The following TPO variants were observed in gnomAD, a reference collection of about 807,000 sequenced individuals.
TPO encodes the protein thyroid microsomal antigen.
Under a neutral mutation model 96.9 loss-of-function variants are expected in TPO, and 78 were observed. That is an observed-to-expected ratio of 0.81 (90% CI 0.67 to 0.97). The LOEUF (loss-of-function observed/expected upper bound fraction) is 0.97. Ranked by LOEUF, TPO falls within the 50% of genes least tolerant of loss-of-function variation. The pLI is 0.00. For missense variants in TPO, 1,252 were observed against 1,274.8 expected (o/e 0.98, Z 0.27); for synonymous variants, 547 against 538.0 (o/e 1.02, Z -0.23).
At chr2:1,387,755 G>A (rs576866466) in intron 1 of TPO, among the ~76,000 whole-genome samples, 1 of 152,330 alleles carries the variant, frequency 6.6e-6, no homozygotes, top group South Asian at 2.1e-4. Flanking sequence ...TGCTGGTGAG[G>A]AGCTGCGTTC....
upstream of TPO, among the ~76,000 whole-genome samples, chr2:1,411,392 C>T (rs946981852): frequency 3.9e-5 from 6 of 152,140 alleles, no homozygotes; most frequent in African/African-American, 1.2e-4. Context: ...CATGCAAACC[C>T]CCTCTTCCCA....
chr2:1,383,165 G>C (rs570836541), intron 1 of TPO, among the ~76,000 whole-genome samples: 14 of 152,102 alleles, frequency 9.2e-5, no homozygotes, highest in South Asian at 4.1e-4. Context: ...TTGCTATTGT[G>C]AGTAGTGCCG....
intron 3 of TPO, among the ~76,000 whole-genome samples, chr2:1,432,129 G>T (rs1189257832): frequency 2.0e-5 from 3 of 152,254 alleles, no homozygotes; most frequent in African/African-American, 4.8e-5. Flanking sequence ...AGCACAGTCC[G>T]CTGTGGTCAC....
At chr2:1,480,393 C>A (rs1246529740) in intron 8 of TPO, among the ~76,000 whole-genome samples, 1 of 152,018 alleles carries the variant, frequency 6.6e-6, no homozygotes, top group Non-Finnish European at 1.5e-5. Context: ...GTGGCCTGGG[C>A]CTGGAAGCCT....
intron 1 of TPO, among the ~76,000 whole-genome samples, chr2:1,396,480 C>T (rs75145814): frequency 0.025 from 3,794 of 152,294 alleles, 160 homozygotes; most frequent in African/African-American, 0.085. Flanking sequence ...GCAAATCTGA[C>T]AGTGCTCGAA....
chr2:1,527,855 C>CGTACTGTGTGCAA (rs1676970395), intron 15 of TPO, among the ~76,000 whole-genome samples: 1 of 141,924 alleles, frequency 7.0e-6, no homozygotes. Flanking sequence ...CTCAAATCCC[C>CGTACTGTGTGCAA]CCCACTGTGT....
chr2:1,378,114 A>G (rs1007789388), intron 1 of TPO, among the ~76,000 whole-genome samples: 1 of 152,088 alleles, frequency 6.6e-6, no homozygotes, highest in Non-Finnish European at 1.5e-5. Flanking sequence ...CACCTTCCTC[A>G]GTGATTGTGA....
Position 1,496,597 on chromosome 2 carries a change from G to A in TPO, c.2218G>A (p.Asp740Asn), listed in dbSNP as rs762116311. The part of the protein sequence containing the change: ...EAWRETFPQD[D>N]KCGFPESVEN... ...GTCAACCTGTCCACATTTCATAGAC[G>A]ACAAGTGTGGCTTCCCAGAGAGCGT... Residue 740 changes from aspartate to asparagine, a missense_variant and splice_region_variant, in exon 13 of 17, where the codon GAC (aspartate) becomes AAC (asparagine). Coordinates refer to ENST00000329066, the MANE Select transcript of TPO (RefSeq NM_001206744.2). 2.7e-5 allele frequency: 44 copies of A among 1,613,890 alleles called. No individual in the cohort carries two copies. The highest frequency in any genetic ancestry group is 6.7e-5 in the Admixed American group (4 of 60,016).
intron 7 of TPO, among the ~76,000 whole-genome samples, chr2:1,463,673 C>T (rs1406086574): frequency 6.6e-6 from 1 of 152,186 alleles, no homozygotes; most frequent in Non-Finnish European, 1.5e-5. Flanking sequence ...TAGGACTGGG[C>T]TTTTCTTCAT....
chr2:1,458,153 G>A lies in TPO; in HGVS notation c.819+1871G>A, dbSNP rs148751070. On this transcript the variant is annotated intron_variant, in intron 7 of 16. Transcript: ENST00000329066. ...GTGTGTATATGGTATATAAGATAGC[G>A]TGTGGACACGTGTGTATATAGGATA... Among the ~76,000 whole-genome samples the A allele has an allele frequency of 1.6e-3, 242 of 151,720 alleles. 2 individuals are homozygous for A. Among genetic ancestry groups the A allele is most frequent in the African/African-American group, 5.2e-3 (215 of 41,238 alleles).
At chr2:1,501,207 A>G (rs537025982) in intron 13 of TPO, among the ~76,000 whole-genome samples, 2 of 150,900 alleles carry the variant, frequency 1.3e-5, no homozygotes, top group Non-Finnish European at 3.0e-5. Context: ...CACTCACTGC[A>G]TGTGGAGACT....
In TPO at chr2:1,508,938, T is replaced by C. The variant is rs555748797; in HGVS notation, c.2518+4859T>C. On this transcript the variant is annotated intron_variant, in intron 14 of 16. Coordinates refer to ENST00000329066, the MANE Select transcript of TPO (RefSeq NM_001206744.2). ...CTTGCCTTCTGCTAGCTTTTGAATG[T>C]GTTTGCTCTTGCTTTTCTAGTTCTT... Among the ~76,000 whole-genome samples, 8 of 152,344 alleles carry C rather than the reference T, an allele frequency of 5.3e-5. No homozygotes were observed. The South Asian group carries it at 8.3e-4, about 16-fold the overall frequency.
At chr2:1,447,680 A>G (rs1040540600) in intron 5 of TPO, among the ~76,000 whole-genome samples, 2 of 152,150 alleles carry the variant, frequency 1.3e-5, no homozygotes, top group African/African-American at 4.8e-5. Context: ...GTGTGTGTGT[A>G]TATATCTATA....
intron 13 of TPO, among the ~76,000 whole-genome samples, chr2:1,502,581 G>T (rs1281148675): frequency 6.6e-6 from 1 of 151,998 alleles, no homozygotes; most frequent in Non-Finnish European, 1.5e-5. Context: ...GTGGAGATGG[G>T]ATTTCACCAT....
chr2:1,414,949 G>C (rs1045942686), intron 2 of TPO, among the ~76,000 whole-genome samples: 1 of 152,236 alleles, frequency 6.6e-6, no homozygotes, highest in African/African-American at 2.4e-5. Context: ...AATAAATAAA[G>C]TTCCAAACCC....
chr2:1,449,809 C>T (rs963703540), intron 5 of TPO, among the ~76,000 whole-genome samples: 1 of 152,034 alleles, frequency 6.6e-6, no homozygotes, highest in Non-Finnish European at 1.5e-5. Flanking sequence ...GAGCTCATGC[C>T]GATTATAGAA....
intron 3 of TPO, among the ~76,000 whole-genome samples, chr2:1,428,804 G>T (rs978558578): frequency 1.3e-5 from 2 of 152,132 alleles, no homozygotes; most frequent in African/African-American, 4.8e-5. Context: ...TTTGGGGAGG[G>T]TTGCTATCCT....
intron 15 of TPO, among the ~76,000 whole-genome samples, chr2:1,525,957 C>A (rs1209413141): frequency 3.2e-5 from 4 of 124,612 alleles, no homozygotes; most frequent in Non-Finnish European, 5.0e-5. Context: ...CGACTGTTTA[C>A]AACCTTCCCA....
chr2:1,524,872 TAACCTCCTCAAATTGCCCGCACTGTAC>T (rs1558405913), intron 15 of TPO, among the ~76,000 whole-genome samples: 1 of 88,122 alleles, frequency 1.1e-5, no homozygotes, highest in African/African-American at 4.5e-5. Context: ...CACTGTGATG[TAACCTCCTCAAATTGCCCGCACTGTAC>T]AACCTCCTCA....
Sources: allele counts gnomAD v4.1 joint callset (sites outside exome capture counted in the v4.1 genomes callset), GRCh38; gene constraint gnomAD v4.1.1; transcripts MANE v1.5; gene names NCBI Gene and HGNC (gene_info 2026-07-23, HGNC 2026-07-21).